Variants in TYW1B observed in about 807,000 individuals in gnomAD.
TYW1B encodes the protein tRNA-yW synthesizing protein 1 homolog B.
In TYW1B, 73 loss-of-function variants were observed where a neutral mutation model predicts 86.9. The ratio of observed to expected loss-of-function variants is 0.84; its 90% CI spans 0.70 to 1.02. The LOEUF is 1.02. TYW1B is among the 50% of genes least tolerant of loss of function. The probability of loss-of-function intolerance (pLI) is 0.00; values close to 1 mark genes in which losing one functional copy is unlikely to be tolerated. For synonymous variants in TYW1B, 248 were observed against 292.8 expected, an observed-to-expected ratio of 0.85 and a Z score of 1.56; for missense variants, 637 against 827.4, an observed-to-expected ratio of 0.77 and a Z score of 2.82.
chr7:72,654,269 G>A (rs1314230563), intron 11 of TYW1B, among the ~76,000 whole-genome samples: 1 of 152,044 alleles, frequency 6.6e-6, no homozygotes, highest in African/African-American at 2.4e-5. Context: ...CACAAAGAAT[G>A]AGCCTTAATA....
At chr7:72,643,415 C>T (rs1355994047) in intron 11 of TYW1B, among the ~76,000 whole-genome samples, 1 of 151,924 alleles carries the variant, frequency 6.6e-6, no homozygotes, top group Admixed American at 6.6e-5. Context: ...TGTGAAACCT[C>T]GTCTTTACTA....
rs530883695 is a variant in TYW1B, at chr7:72,826,760, C to T, written c.135+95G>A. 6 of 1,470,470 alleles carry T rather than the reference C, an allele frequency of 4.1e-6. No individual in the cohort carries two copies. The East Asian group carries it at 9.7e-5, about 24-fold the overall frequency. 91.1% of individuals were successfully genotyped at this position (1,470,470 alleles called of 1,614,324 possible). On this transcript the variant is annotated intron_variant, in intron 2 of 13. Transcript: ENST00000620995. The stretch of plus-strand genomic sequence containing the variant: ...GCATTTCATTAAAATGTCTAAAGAC[C>T]AAACACAAAAGTAATTAAAGGTTCC...
intron 7 of TYW1B, among the ~76,000 whole-genome samples, chr7:72,751,330 ACT>A (rs553284396): frequency 1.4e-3 from 208 of 152,086 alleles, no homozygotes; most frequent in Non-Finnish European, 2.7e-3. Context: ...GAGCCATCAC[ACT>A]CGGCACAGAT....
chr7:72,642,427 G>A (rs1812822322), intron 11 of TYW1B, among the ~76,000 whole-genome samples: 1 of 152,210 alleles, frequency 6.6e-6, no homozygotes. Flanking sequence ...ATATGACCCA[G>A]TAATTTTACT....
chr7:72,734,282 A>T (rs1787163347), intron 8 of TYW1B, among the ~76,000 whole-genome samples: 1 of 150,700 alleles, frequency 6.6e-6, no homozygotes, highest in African/African-American at 2.4e-5. Flanking sequence ...CAACAAAAAA[A>T]CTATAAACCT....
At chr7:72,726,360 A>G (rs1194118282) in intron 9 of TYW1B, among the ~76,000 whole-genome samples, 2 of 151,248 alleles carry the variant, frequency 1.3e-5, no homozygotes, top group Admixed American at 6.6e-5. Flanking sequence ...ATTATTGACT[A>G]ATTTTTTTTG....
intron 12 of TYW1B, among the ~76,000 whole-genome samples, chr7:72,619,452 T>A (rs1554437556): frequency 6.6e-6 from 1 of 151,490 alleles, no homozygotes; most frequent in Non-Finnish European, 1.5e-5. Flanking sequence ...CCATCCTGGC[T>A]AACAAGGTGA....
At chr7:72,651,723 T>C (rs1554442837) in intron 11 of TYW1B, among the ~76,000 whole-genome samples, 1 of 151,984 alleles carries the variant, frequency 6.6e-6, no homozygotes, top group Non-Finnish European at 1.5e-5. Flanking sequence ...CGTTTGCAAG[T>C]CATAAAAAAT....
intron 12 of TYW1B, among the ~76,000 whole-genome samples, chr7:72,623,070 G>A (rs1257289273): frequency 6.6e-5 from 10 of 152,182 alleles, no homozygotes; most frequent in Admixed American, 6.5e-4. Context: ...TTAGGTTAGT[G>A]CTACAAGCAA....
rs542753023 is a variant in TYW1B, at chr7:72,718,019, C to T, written c.1193-4221G>A. Reference sequence around the variant, plus strand: ...ATATTAAAAAAAACCTGTACCCACTCGTATGTTCATCGCAGCACTATTCAC... The same window carrying T: ...ATATTAAAAAAAACCTGTACCCACTTGTATGTTCATCGCAGCACTATTCAC... On this transcript the variant is annotated intron_variant, in intron 9 of 13. Transcript: ENST00000620995. 1.5e-4 allele frequency among the ~76,000 whole-genome samples: 23 copies of T among 152,244 alleles called. No homozygotes were observed. In the South Asian group the frequency reaches 3.7e-3, roughly 25 times the overall value.
chr7:72,801,754 G>T (rs536592699), intron 6 of TYW1B, among the ~76,000 whole-genome samples: 1 of 152,078 alleles, frequency 6.6e-6, no homozygotes, highest in African/African-American at 2.4e-5. Context: ...TCCCAGATTG[G>T]TATTTCCTGG....
At chr7:72,711,038 G>A (rs1554454648) in intron 10 of TYW1B, among the ~76,000 whole-genome samples, 2 of 152,054 alleles carry the variant, frequency 1.3e-5, no homozygotes, top group African/African-American at 4.8e-5. Flanking sequence ...CAAGCAGCCA[G>A]AAACAGCAGA....
At chr7:72,761,622 T>C (rs782544952) in intron 7 of TYW1B, among the ~76,000 whole-genome samples, 1 of 151,722 alleles carries the variant, frequency 6.6e-6, no homozygotes, top group South Asian at 2.1e-4. Context: ...TTTTTTAATT[T>C]AAAAATTTTT....
intron 13 of TYW1B, among the ~76,000 whole-genome samples, chr7:72,582,212 T>G (rs1811172252): frequency 1.3e-5 from 2 of 151,790 alleles, no homozygotes; most frequent in Admixed American, 1.3e-4. Flanking sequence ...CTGGAAATGT[T>G]AAGAAGTGAA....
At chr7:72,797,999 A>ATT (rs1300717282) in intron 6 of TYW1B, among the ~76,000 whole-genome samples, 1 of 58,370 alleles carries the variant, frequency 1.7e-5, no homozygotes, top group African/African-American at 4.9e-5. Flanking sequence ...AGAAAATACT[A>ATT]TTTATATATA....
chr7:72,819,534 G>T (rs1323542716), intron 2 of TYW1B, among the ~76,000 whole-genome samples: 3 of 152,154 alleles, frequency 2.0e-5, no homozygotes, highest in African/African-American at 7.2e-5. Context: ...CTGGGCTCAA[G>T]CAATCCTCCC....
At chr7:72,736,262 T>C (rs1554460986) in intron 8 of TYW1B, among the ~76,000 whole-genome samples, 1 of 152,142 alleles carries the variant, frequency 6.6e-6, no homozygotes, top group Non-Finnish European at 1.5e-5. Flanking sequence ...AAGTAACTTG[T>C]GGAATGCTCA....
chr7:72,628,006 C>T (rs1436696189), intron 12 of TYW1B, among the ~76,000 whole-genome samples: 15 of 152,128 alleles, frequency 9.9e-5, no homozygotes, highest in South Asian at 4.1e-4. Flanking sequence ...AAAGAATACA[C>T]ATCAGCCGGG....
At chr7:72,802,351 G>A in intron 6 of TYW1B, 49 bp downstream of exon 6, 1 of 1,610,080 alleles carries the variant, frequency 6.2e-7, no homozygotes, top group Non-Finnish European at 8.5e-7. Flanking sequence ...AATACTAAAT[G>A]TTAACCAACT....
Sources: allele counts gnomAD v4.1 joint callset (sites outside exome capture counted in the v4.1 genomes callset), GRCh38; gene constraint gnomAD v4.1.1; transcripts MANE v1.5; gene names NCBI Gene and HGNC (gene_info 2026-07-23, HGNC 2026-07-21).